DUOX1: variants seen among roughly 807,000 people sequenced by gnomAD.
DUOX1 encodes NADPH thyroid oxidase 1.
In DUOX1, 134 loss-of-function variants were observed where a neutral mutation model predicts 181.8. The observed-to-expected ratio is 0.74, with a 90% CI of 0.64 to 0.85. DUOX1 has a LOEUF of 0.85. DUOX1 is among the 40% of genes least tolerant of loss of function. DUOX1 has a pLI of 0.00. For missense variants in DUOX1, 1,814 were observed against 2,064.4 expected (o/e 0.88, Z 2.35); for synonymous variants, 798 against 832.5 (o/e 0.96, Z 0.71).
intron 20 of DUOX1, 66 bp downstream of exon 20, chr15:45,148,063 C>G (rs1896701611): frequency 6.7e-7 from 1 of 1,485,154 alleles, no homozygotes; most frequent in South Asian, 1.1e-5. Flanking sequence ...TAGATGGGAC[C>G]TGAAGGAGAG....
intron 28 of DUOX1, among the ~76,000 whole-genome samples, chr15:45,159,429 T>C (rs181498616): frequency 1.7e-4 from 26 of 152,324 alleles, no homozygotes; most frequent in Admixed American, 5.2e-4. Flanking sequence ...TGGTCACTAG[T>C]GCCTCAGGCT....
At chr15:45,149,829 C>T (rs543957292) in intron 21 of DUOX1, among the ~76,000 whole-genome samples, 68 of 152,328 alleles carry the variant, frequency 4.5e-4, no homozygotes, top group Admixed American at 1.5e-3. Context: ...CCAACCTGGG[C>T]GACAGAGACT....
intron 22 of DUOX1, 126 bp downstream of exon 22, chr15:45,150,827 C>G (rs533376257): frequency 3.7e-5 from 34 of 928,978 alleles, no homozygotes; most frequent in Non-Finnish European, 5.3e-5. Context: ...AAAAGGACAC[C>G]CCTTTCTCTA....
chr15:45,134,543 G>T (rs1896236177), intron 4 of DUOX1, among the ~76,000 whole-genome samples: 1 of 152,178 alleles, frequency 6.6e-6, no homozygotes, highest in Admixed American at 6.5e-5. Flanking sequence ...GATGAGGGGT[G>T]GGGTTAGGGA....
intron 23 of DUOX1, among the ~76,000 whole-genome samples, chr15:45,151,602 G>C (rs1263604721): frequency 6.6e-6 from 1 of 152,128 alleles, no homozygotes; most frequent in Non-Finnish European, 1.5e-5. Context: ...GGAAGGAGAG[G>C]GACTGAGTGT....
intron 28 of DUOX1, among the ~76,000 whole-genome samples, chr15:45,157,373 C>A (rs1187850464): frequency 6.6e-6 from 1 of 152,118 alleles, no homozygotes; most frequent in African/African-American, 2.4e-5. Context: ...GTTCTTGTTC[C>A]TGGTGATAAA....
At position 45,165,550 on chromosome 15, in the gene DUOX1, C is replaced by T. The variant is rs1216488801; in HGVS notation, c.*649C>T. 6.6e-6 allele frequency: 1 copy of T among 152,558 alleles called. No individual in the cohort carries two copies. The highest frequency in any genetic ancestry group is 2.4e-5 in the African/African-American group (1 of 41,468). The allele number at this position is 152,558 out of a possible 1,614,324, so 9.5% of individuals were successfully genotyped here. A position where few individuals can be genotyped will look rare whatever the true frequency, so the allele number is the denominator to read the frequency against. On this transcript the variant is annotated 3_prime_UTR_variant, in exon 34 of 34. Coordinates refer to ENST00000389037, the MANE Select transcript of DUOX1 (RefSeq NM_175940.3). The stretch of plus-strand genomic sequence containing the variant: ...TCTTCTCCCTGCTCCAGTAGTCTCC[C>T]TTCCAAATAAATCACTTTTCTGCCT...
At chr15:45,152,759 G>A in intron 25 of DUOX1, 1 of 591,332 alleles carries the variant, frequency 1.7e-6, no homozygotes, top group South Asian at 2.0e-5. Flanking sequence ...TAACACCCCA[G>A]AATGAGTGTG....
intron 15 of DUOX1, among the ~76,000 whole-genome samples, chr15:45,142,789 G>GGAAGGAAGGAAGCAAGGAAGGA (rs1480496555): frequency 7.2e-6 from 1 of 139,762 alleles, no homozygotes; most frequent in African/African-American, 2.7e-5. Flanking sequence ...GGAAGGAAGG[G>GGAAGGAAGGAAGCAAGGAAGGA]AGGGAGGAAG....
At chr15:45,157,232 T>C (rs926456991) in intron 28 of DUOX1, among the ~76,000 whole-genome samples, 1 of 152,240 alleles carries the variant, frequency 6.6e-6, no homozygotes, top group African/African-American at 2.4e-5. Context: ...CTAGAACTGA[T>C]GATATGCGTT....
chr15:45,139,421 C>T lies in DUOX1; in HGVS notation c.1217-6C>T, dbSNP rs966381942. The stretch of plus-strand genomic sequence containing the variant: ...TCCCTCAGACTGTCTGGTATCTTGT[C>T]TCCAGATTTCTGGCCTGGGCCACTG... On this transcript the variant is annotated splice_polypyrimidine_tract_variant and splice_region_variant and intron_variant, in intron 11 of 33. Coordinates refer to ENST00000389037, the MANE Select transcript of DUOX1 (RefSeq NM_175940.3). 1.2e-6 allele frequency: 2 copies of T among 1,612,258 alleles called. No individual in the cohort carries two copies. Among genetic ancestry groups the T allele is most frequent in the East Asian group, 2.2e-5 (1 of 44,880 alleles).
At chr15:45,162,723 G>C (rs1484956160) in intron 31 of DUOX1, among the ~76,000 whole-genome samples, 1 of 152,258 alleles carries the variant, frequency 6.6e-6, no homozygotes, top group Non-Finnish European at 1.5e-5. Flanking sequence ...CCAGCACTTG[G>C]AGCCTTATTG....
chr15:45,159,207 G>A (rs8040896), intron 28 of DUOX1, among the ~76,000 whole-genome samples: 47,554 of 152,178 alleles, frequency 0.31, 7,604 homozygotes, highest in Admixed American at 0.36. Flanking sequence ...TGTGGCAGCT[G>A]CAGTTGAAAC....
At position 45,151,930 on chromosome 15, in the gene DUOX1, G is replaced by C. The variant is rs1339304367; in HGVS notation, c.3071G>C (p.Arg1024Pro). The part of the protein sequence containing the change: ...FTEAHREKFQ[R>P]SCLHQTVQQF... Reference sequence around the variant, plus strand: ...GAGGCGCACCGAGAGAAGTTCCAACGCAGCTGTCTCCACCAGACGGTGCAA... The same window carrying C: ...GAGGCGCACCGAGAGAAGTTCCAACCCAGCTGTCTCCACCAGACGGTGCAA... Residue 1024 changes from arginine to proline, a missense_variant, in exon 24 of 34, where the codon CGC (arginine) becomes CCC (proline). This residue lies in a region of DUOX1 where 1,064 missense variants were observed against 1,152.9 expected (regional missense o/e 0.92). Coordinates refer to ENST00000389037, the MANE Select transcript of DUOX1 (RefSeq NM_175940.3). The C allele has an allele frequency of 6.2e-7, 1 of 1,613,930 alleles. No homozygotes were observed. Among genetic ancestry groups the C allele is most frequent in the Non-Finnish European group, 8.5e-7 (1 of 1,179,980 alleles).
chr15:45,136,753 G>A, intron 9 of DUOX1, 128 bp downstream of exon 9: 2 of 814,146 alleles, frequency 2.5e-6, no homozygotes, highest in Non-Finnish European at 4.0e-6. Context: ...GACCGATAGA[G>A]AGGGGAAGAA....
chr15:45,148,475 C>A (rs375299496), intron 21 of DUOX1, 28 bp downstream of exon 21: 7 of 1,596,334 alleles, frequency 4.4e-6, no homozygotes, highest in Non-Finnish European at 5.1e-6. Context: ...GCAGCACTGA[C>A]TCATTGGTTA....
In DUOX1 at chr15:45,150,633, G is replaced by A. The variant is rs775704674; in HGVS notation, c.2820G>A (p.Gly940=). ...CCCTAGCCTGGCTCTGCTTTGCAGG[G>A]GTGGAGGTGCCTGAAGTCATCAAGG... ...ELRFTQLCVK[G]VEVPEVIKDL... The change falls in exon 22 of 34, where the codon GGG becomes GGA. Residue 940 remains glycine, a splice_region_variant and synonymous_variant. Transcript: ENST00000389037. 1 of 1,613,868 alleles carries A rather than the reference G, an allele frequency of 6.2e-7. No homozygotes were observed. Among genetic ancestry groups the A allele is most frequent in the East Asian group, 2.2e-5 (1 of 44,882 alleles).
At chr15:45,141,879 C>A in intron 14 of DUOX1, 96 bp from the exon 15 acceptor site, 1 of 1,408,566 alleles carries the variant, frequency 7.1e-7, no homozygotes, top group South Asian at 1.4e-5. Context: ...ACCCAGAGTG[C>A]CCCCACCCCC....
chr15:45,139,855 A>T, intron 12 of DUOX1: 1 of 604,674 alleles, frequency 1.7e-6, no homozygotes, highest in Non-Finnish European at 2.9e-6. Flanking sequence ...GGCACTTAAT[A>T]GTCACTATCT....
Sources: allele counts gnomAD v4.1 joint callset (sites outside exome capture counted in the v4.1 genomes callset), GRCh38; gene constraint gnomAD v4.1.1; regional missense constraint gnomAD v4.1.1; transcripts MANE v1.5; gene names NCBI Gene and HGNC (gene_info 2026-07-23, HGNC 2026-07-21).